The following EXOC2 variants were observed in gnomAD, a reference collection of about 807,000 sequenced individuals.
The protein encoded by EXOC2 is SEC5-like 1.
In EXOC2, 70 loss-of-function variants were observed where a neutral mutation model predicts 131.8. The observed-to-expected ratio is 0.53, with a 90% CI of 0.44 to 0.65. EXOC2 has a LOEUF of 0.65. Among genes scored for constraint, EXOC2 ranks in the 30% least tolerant of loss-of-function variants. The pLI, the probability that EXOC2 is intolerant of heterozygous loss-of-function variation, is 0.00. For missense variants in EXOC2, 923 were observed against 1,108.6 expected (o/e 0.83, Z 2.38); for synonymous variants, 411 against 398.4 (o/e 1.03, Z -0.38).
intron 25 of EXOC2, among the ~76,000 whole-genome samples, chr6:495,992 TA>T (rs1763713675): frequency 6.6e-6 from 1 of 152,246 alleles, no homozygotes; most frequent in Non-Finnish European, 1.5e-5. Context: ...TATTATCATC[TA>T]GTAGATTTTT....
intron 25 of EXOC2, among the ~76,000 whole-genome samples, chr6:491,712 A>G (rs1381150358): frequency 1.3e-5 from 2 of 152,236 alleles, no homozygotes; most frequent in Non-Finnish European, 2.9e-5. Flanking sequence ...CTTAATGGAA[A>G]CTGGCAAGCT....
intron 24 of EXOC2, among the ~76,000 whole-genome samples, chr6:498,665 G>GATAAATT (rs1273052552): frequency 6.6e-6 from 1 of 152,130 alleles, no homozygotes; most frequent in Non-Finnish European, 1.5e-5. Context: ...TAGGAACCAG[G>GATAAATT]TAGTGTTATC....
rs1017556073 is a variant in EXOC2, at chr6:488,918, A to G, written c.2681+61T>C. 5 of 1,499,390 alleles carry G rather than the reference A, an allele frequency of 3.3e-6. 1 individual carries two copies. Among genetic ancestry groups the G allele is most frequent in the African/African-American group, 1.4e-5 (1 of 71,572 alleles). 92.9% of individuals were successfully genotyped at this position (1,499,390 alleles called of 1,614,324 possible). ...AATCATTATTTTTAAAAGGTATTTTAGGAAACAAAACCTTGTTGAGCACAT... is the reference window on the plus strand; with the variant it reads ...AATCATTATTTTTAAAAGGTATTTTGGGAAACAAAACCTTGTTGAGCACAT... On this transcript the variant is annotated intron_variant, in intron 27 of 27. Coordinates refer to ENST00000230449, the MANE Select transcript of EXOC2 (RefSeq NM_018303.6).
intron 1 of EXOC2, among the ~76,000 whole-genome samples, chr6:664,826 T>A (rs1763568293): frequency 6.6e-6 from 1 of 152,120 alleles, no homozygotes; most frequent in Non-Finnish European, 1.5e-5. Context: ...GACCTGAAAC[T>A]ATAAAAATTC....
chr6:652,331 C>T (rs922800137), intron 1 of EXOC2, among the ~76,000 whole-genome samples: 1 of 152,178 alleles, frequency 6.6e-6, no homozygotes. Context: ...TCAAGCGACT[C>T]GCCTGGGTCC....
intron 23 of EXOC2, among the ~76,000 whole-genome samples, chr6:502,044 G>A (rs1395130228): frequency 3.3e-5 from 5 of 152,132 alleles, no homozygotes; most frequent in Non-Finnish European, 7.4e-5. Flanking sequence ...TGGCCTCGCC[G>A]CTCATACCCT....
At chr6:691,067 G>A (rs1316695540) in intron 1 of EXOC2, among the ~76,000 whole-genome samples, 1 of 152,214 alleles carries the variant, frequency 6.6e-6, no homozygotes, top group Admixed American at 6.5e-5. Flanking sequence ...TGGAGAATGA[G>A]TGGAAAAGTA....
Position 497,346 on chromosome 6 carries a change from G to A in EXOC2, c.2559+21C>T, listed in dbSNP as rs75058799. On this transcript the variant is annotated intron_variant, in intron 25 of 27. Coordinates refer to ENST00000230449, the MANE Select transcript of EXOC2 (RefSeq NM_018303.6). ...TTAAATAACAACAGAAGTTCAATAT[G>A]AAATTGAATGATTTTGTTACCTGTA... 1,941 of 1,605,776 alleles carry A rather than the reference G, an allele frequency of 1.2e-3. 29 individuals carry two copies. In the African/African-American group the frequency reaches 0.023, roughly 19 times the overall value.
intron 7 of EXOC2, among the ~76,000 whole-genome samples, chr6:607,947 A>T (rs891063720): frequency 2.0e-5 from 3 of 152,210 alleles, no homozygotes; most frequent in Non-Finnish European, 4.4e-5. Flanking sequence ...TCCTTTAGAA[A>T]CTTAGCTTAA....
At chr6:625,518 C>CTT (rs796295514) in intron 4 of EXOC2, among the ~76,000 whole-genome samples, 331 of 108,030 alleles carry the variant, frequency 3.1e-3, no homozygotes, top group Non-Finnish European at 4.6e-3. Flanking sequence ...TGTTTCCGTT[C>CTT]TTTTTTTTTT....
chr6:632,151 A>G (rs1023022405), intron 3 of EXOC2, among the ~76,000 whole-genome samples: 2 of 152,192 alleles, frequency 1.3e-5, no homozygotes, highest in Admixed American at 1.3e-4. Context: ...AGCTACAAGA[A>G]AGATCATCAG....
At position 549,281 on chromosome 6, in the gene EXOC2, A is replaced by C; in HGVS notation, c.2132T>G (p.Leu711Arg). 6.2e-7 allele frequency: 1 copy of C among 1,613,700 alleles called. No homozygotes were observed. Among genetic ancestry groups the C allele is most frequent in the Non-Finnish European group, 8.5e-7 (1 of 1,179,614 alleles). The part of the protein sequence containing the change: ...EDFSLTSEQR[L>R]LIVLSNCCYL... The stretch of plus-strand genomic sequence containing the variant: ...GCAGCAATTACTTAGGACTATCAAA[A>C]GGCGCTGTTCCTAAAAGCAAAACAA... Residue 711 changes from leucine to arginine, a missense_variant, in exon 22 of 28, where the codon CTT (leucine) becomes CGT (arginine). Coordinates refer to ENST00000230449, the MANE Select transcript of EXOC2 (RefSeq NM_018303.6).
intron 23 of EXOC2, among the ~76,000 whole-genome samples, chr6:510,301 G>A (rs1439621507): frequency 1.3e-5 from 2 of 151,976 alleles, no homozygotes; most frequent in Non-Finnish European, 2.9e-5. Context: ...ATGACTATTT[G>A]AGGAAAGGAC....
intron 12 of EXOC2, 97 bp from the exon 13 acceptor site, chr6:572,741 C>T: frequency 7.0e-7 from 1 of 1,427,170 alleles, no homozygotes; most frequent in South Asian, 1.3e-5. Flanking sequence ...CCGCAAAACT[C>T]CAACATGCAC....
In EXOC2 at chr6:617,766, C is replaced by T; in HGVS notation, c.606G>A (p.Leu202=). 6.2e-7 allele frequency: 1 copy of T among 1,613,664 alleles called. No homozygotes were observed. The highest frequency in any genetic ancestry group is 8.5e-7 in the Non-Finnish European group (1 of 1,179,782). ...TACTGAGACCGCCTTTCACATAGGC[C>T]AGGCTGCCCTCACTCTTCTTGTTAG... ...RQANKKSEGS[L]AYVKGGLSTF... The change falls in exon 6 of 28, where the codon CTG becomes CTA. Residue 202 remains leucine, a synonymous_variant. Transcript: ENST00000230449.
chr6:652,055 C>CAAA (rs779403495), intron 1 of EXOC2, among the ~76,000 whole-genome samples: 5 of 77,998 alleles, frequency 6.4e-5, no homozygotes, highest in African/African-American at 4.6e-5. Flanking sequence ...GATTCCATCT[C>CAAA]AAAAAAAAAA....
intron 1 of EXOC2, among the ~76,000 whole-genome samples, chr6:685,124 G>A (rs1299899743): frequency 7.5e-6 from 1 of 132,642 alleles, no homozygotes; most frequent in East Asian, 1.9e-4. Flanking sequence ...ACAATCATTT[G>A]AAAACACACA....
At chr6:526,186 C>G (rs891119408) in intron 23 of EXOC2, among the ~76,000 whole-genome samples, 6 of 152,124 alleles carry the variant, frequency 3.9e-5, no homozygotes, top group Non-Finnish European at 7.4e-5. Flanking sequence ...AATTTACACT[C>G]CTAGAAAGAT....
At chr6:501,135 TATCTA>T (rs1432488948) in intron 23 of EXOC2, among the ~76,000 whole-genome samples, 4 of 15,072 alleles carry the variant, frequency 2.7e-4, no homozygotes, top group East Asian at 3.2e-3. Context: ...ATATTATATA[TATCTA>T]TATATATTAT....
Sources: gnomAD v4.1 joint callset for allele counts (sites outside exome capture counted in the v4.1 genomes callset) on GRCh38, gnomAD v4.1.1 for gene constraint, MANE v1.5 for transcripts, NCBI Gene and HGNC (gene_info 2026-07-23, HGNC 2026-07-21) for gene names.